Variants in AEBP2 observed in about 807,000 individuals in gnomAD.
The protein encoded by AEBP2 is AE binding protein 2, also known as zinc finger protein AEBP2.
In AEBP2, 10 loss-of-function variants were observed where a neutral mutation model predicts 50.8. That is an observed-to-expected ratio of 0.20 (90% CI 0.12 to 0.33). The LOEUF (loss-of-function observed/expected upper bound fraction) is 0.33, where lower values mean the gene tolerates loss of function less well. Among genes scored for constraint, AEBP2 ranks in the 10% least tolerant of loss-of-function variants. The pLI, the probability that AEBP2 is intolerant of heterozygous loss-of-function variation, is 1.00. For synonymous variants in AEBP2, 296 were observed against 261.3 expected (o/e 1.13, Z -1.28); for missense variants, 570 against 688.0 (o/e 0.83, Z 1.92).
At chr12:19,512,863 A>G (rs1369803864) in intron 6 of AEBP2, among the ~76,000 whole-genome samples, 1 of 152,080 alleles carries the variant, frequency 6.6e-6, no homozygotes, top group Non-Finnish European at 1.5e-5. Flanking sequence ...CACGAGAGTC[A>G]CTTGAACCCG....
intron 3 of AEBP2, 142 bp from the exon 4 acceptor site, chr12:19,493,658 C>T (rs1948927502): frequency 1.3e-6 from 1 of 755,766 alleles, no homozygotes; most frequent in East Asian, 2.7e-5. Context: ...GAAAAGACTA[C>T]TAGTCCCTTA....
intron 1 of AEBP2, among the ~76,000 whole-genome samples, chr12:19,441,846 G>A (rs990385017): frequency 6.6e-6 from 1 of 152,116 alleles, no homozygotes; most frequent in Non-Finnish European, 1.5e-5. Context: ...TCTGAAAGTT[G>A]ACATTAGTTT....
intron 1 of AEBP2, among the ~76,000 whole-genome samples, chr12:19,448,029 G>A (rs929240910): frequency 6.6e-6 from 1 of 152,070 alleles, no homozygotes; most frequent in African/African-American, 2.4e-5. Flanking sequence ...TCTTAGGTAG[G>A]TTCTTTTGGG....
At chr12:19,477,427 G>A (rs1442691131) in intron 3 of AEBP2, among the ~76,000 whole-genome samples, 3 of 152,142 alleles carry the variant, frequency 2.0e-5, no homozygotes, top group Non-Finnish European at 2.9e-5. Context: ...AGTAGAATAT[G>A]GGCTGTGGGT....
Position 19,440,092 on chromosome 12 carries a change from GAGC to G in AEBP2, c.400_402del (p.Ser134del). 1.3e-6 allele frequency: 2 copies of G among 1,509,044 alleles called. No individual in the cohort carries two copies. The highest frequency in any genetic ancestry group is 1.8e-6 in the Non-Finnish European group (2 of 1,134,926). 93.5% of individuals were successfully genotyped at this position (1,509,044 alleles called of 1,614,324 possible). On this transcript the variant is annotated inframe_deletion, in exon 1 of 8. Transcript: ENST00000266508. ...AGAGCCTGGTGGGCAGCAGCGGCGG[GAGC>G]AGCAGCGACGAGACCCGCTCGTTGA...
chr12:19,440,521 T>C (rs1277885408), intron 1 of AEBP2, 151 bp downstream of exon 1: 3 of 1,381,306 alleles, frequency 2.2e-6, no homozygotes, highest in African/African-American at 2.9e-5. Context: ...TCTCTCGCCG[T>C]CGCCGCCGCG....
chr12:19,487,404 A>G (rs1223564050), intron 3 of AEBP2, among the ~76,000 whole-genome samples: 2 of 152,136 alleles, frequency 1.3e-5, no homozygotes, highest in African/African-American at 4.8e-5. Flanking sequence ...CTGGTTACAG[A>G]AAGTACGTAT....
At chr12:19,439,340 G>C (rs1011582520), upstream of AEBP2, among the ~76,000 whole-genome samples, 4 of 150,606 alleles carry the variant, frequency 2.7e-5, no homozygotes, top group African/African-American at 7.3e-5. Flanking sequence ...GCAGGGCGTG[G>C]GAAGGCCCCG....
chr12:19,412,724 T>C (rs2095739975), intron 1 of AEBP2, among the ~76,000 whole-genome samples: 1 of 152,060 alleles, frequency 6.6e-6, no homozygotes, highest in Non-Finnish European at 1.5e-5. Context: ...CAGAGAAATA[T>C]GTTATGGAAA....
At position 19,522,138 on chromosome 12, in the gene AEBP2, A is replaced by G. The variant is rs1353037810; in HGVS notation, c.*4021A>G. ...AACATATTTCTCTATTCTAAAAATT[A>G]CAGAATATGTATTCATAAAAGGGAA... On this transcript the variant is annotated 3_prime_UTR_variant, in exon 8 of 8. Coordinates refer to ENST00000266508, the MANE Select transcript of AEBP2 (RefSeq NM_153207.5). 6.6e-6 allele frequency: 1 copy of G among 152,108 alleles called. No individual in the cohort carries two copies. The highest frequency in any genetic ancestry group is 1.5e-5 in the Non-Finnish European group (1 of 68,008). 9.4% of individuals were successfully genotyped at this position (152,108 alleles called of 1,614,324 possible).
chr12:19,444,153 A>T (rs1948016289), intron 1 of AEBP2, among the ~76,000 whole-genome samples: 1 of 152,168 alleles, frequency 6.6e-6, no homozygotes, highest in South Asian at 2.1e-4. Context: ...TGGTAACTTT[A>T]AAAAAAATTT....
chr12:19,462,930 G>A (rs921963273), intron 2 of AEBP2, among the ~76,000 whole-genome samples: 20 of 152,018 alleles, frequency 1.3e-4, no homozygotes, highest in African/African-American at 4.3e-4. Context: ...TTTTAGATAC[G>A]TTATTTTGAA....
intron 1 of AEBP2, among the ~76,000 whole-genome samples, chr12:19,433,571 G>C (rs1382795119): frequency 6.6e-6 from 1 of 151,988 alleles, no homozygotes; most frequent in African/African-American, 2.4e-5. Context: ...CATTAGGTCA[G>C]GAGTTTGAGA....
chr12:19,446,156 G>A (rs752320098), intron 1 of AEBP2: 3 of 152,196 alleles, frequency 2.0e-5, no homozygotes, highest in Non-Finnish European at 4.4e-5. Context: ...GTTTGTATTT[G>A]TGAAAGTAGT....
At chr12:19,435,812 G>A (rs1000628384), upstream of AEBP2, among the ~76,000 whole-genome samples, 1 of 151,902 alleles carries the variant, frequency 6.6e-6, no homozygotes, top group African/African-American at 2.4e-5. Context: ...TGATTAACTC[G>A]GCCAAACATG....
intron 5 of AEBP2, among the ~76,000 whole-genome samples, chr12:19,503,677 GT>G (rs1299071697): frequency 9.3e-4 from 134 of 143,420 alleles, no homozygotes; most frequent in Admixed American, 2.0e-3. Context: ...ACATCCTTGG[GT>G]TTTTTTTTTT....
In AEBP2 at chr12:19,518,107, T is replaced by C; in HGVS notation, c.1502T>C (p.Leu501Ser). The C allele has an allele frequency of 1.3e-6, 2 of 1,599,136 alleles. No homozygotes were observed. The highest frequency in any genetic ancestry group is 2.3e-5 in the South Asian group (2 of 87,926). ...NIYRTMPQKR[L>S]KR ...TCTAGAACAATGCCGCAGAAGAGGT[T>C]GAAGAGGTAAAAAATAAATAAATAC... Residue 501 changes from leucine (L) to serine (S), a missense_variant, in exon 8 of 8, where the codon TTG becomes TCG. Coordinates refer to ENST00000266508, the MANE Select transcript of AEBP2 (RefSeq NM_153207.5).
chr12:19,510,360 G>C (rs1243819453), intron 5 of AEBP2, among the ~76,000 whole-genome samples: 7 of 152,132 alleles, frequency 4.6e-5, no homozygotes, highest in Non-Finnish European at 1.5e-5. Context: ...GGAGTTGTGG[G>C]GGAGGGGCAA....
At chr12:19,499,449 C>T (rs1422847046) in intron 4 of AEBP2, among the ~76,000 whole-genome samples, 1 of 152,008 alleles carries the variant, frequency 6.6e-6, no homozygotes, top group Non-Finnish European at 1.5e-5. Flanking sequence ...CCCAGCTCTA[C>T]TAAAAATAAC....
Sources: gnomAD v4.1 joint callset for allele counts (sites outside exome capture counted in the v4.1 genomes callset) on GRCh38, gnomAD v4.1.1 for gene constraint, MANE v1.5 for transcripts, NCBI Gene and HGNC (gene_info 2026-07-23, HGNC 2026-07-21) for gene names.